Variants in KCNJ6 observed in about 807,000 individuals in gnomAD.
KCNJ6 encodes the protein potassium inwardly rectifying channel subfamily J member 6.
A neutral mutation model predicts 34.2 loss-of-function variants in KCNJ6; 9 were observed. The ratio of observed to expected loss-of-function variants is 0.26; its 90% CI spans 0.16 to 0.46. The LOEUF (loss-of-function observed/expected upper bound fraction) is 0.46, where lower values mean the gene tolerates loss of function less well. KCNJ6 is among the 20% of genes least tolerant of loss of function. The pLI is 1.00. For synonymous variants in KCNJ6, 196 were observed against 207.1 expected (o/e 0.95, Z 0.46); for missense variants, 236 against 531.3 (o/e 0.44, Z 5.46).
chr21:37,741,956 G>A (rs1351744394), intron 2 of KCNJ6, among the ~76,000 whole-genome samples: 1 of 152,198 alleles, frequency 6.6e-6, no homozygotes, highest in Non-Finnish European at 1.5e-5. Context: ...CTGTAGTAAG[G>A]GACCATCACG....
At chr21:37,700,142 T>A (rs1166190400) in intron 3 of KCNJ6, among the ~76,000 whole-genome samples, 1 of 151,450 alleles carries the variant, frequency 6.6e-6, no homozygotes. Context: ...AAGTGTAGTC[T>A]GTTGAGGACA....
At chr21:37,640,155 G>T (rs1285065700) in intron 3 of KCNJ6, among the ~76,000 whole-genome samples, 2 of 152,196 alleles carry the variant, frequency 1.3e-5, no homozygotes, top group African/African-American at 4.8e-5. Flanking sequence ...TTCAGAACAA[G>T]AAACTGAATA....
Position 37,612,450 on chromosome 21 carries a change from A to G in KCNJ6, c.*12709T>C, listed in dbSNP as rs2054245881. ...CAGCTTCCTCTGTAGATTAAATACA[A>G]TCCCAATAAAAATCTCAGCAAGTTA... On this transcript the variant is annotated 3_prime_UTR_variant, in exon 4 of 4. Coordinates refer to ENST00000609713, the MANE Select transcript of KCNJ6 (RefSeq NM_002240.5). 1 of 152,250 alleles carries G rather than the reference A, an allele frequency of 6.6e-6. No homozygotes were observed. The highest frequency in any genetic ancestry group is 1.5e-5 in the Non-Finnish European group (1 of 68,038). The allele number at this position is 152,250 out of a possible 1,614,324, so 9.4% of individuals were successfully genotyped here.
At chr21:37,868,751 A>G (rs73208124) in intron 1 of KCNJ6, among the ~76,000 whole-genome samples, 7,020 of 152,292 alleles carry the variant, frequency 0.046, 255 homozygotes, top group Non-Finnish European at 0.073. Context: ...CAATATTCTA[A>G]GCAGAATTAC....
chr21:37,704,659 C>T (rs1787422), intron 3 of KCNJ6, among the ~76,000 whole-genome samples: 7,071 of 148,612 alleles, frequency 0.048, 498 homozygotes, highest in African/African-American at 0.15. Flanking sequence ...TATGAGTCGT[C>T]GTCATCATCA....
At chr21:37,647,381 G>A (rs2835861) in intron 3 of KCNJ6, among the ~76,000 whole-genome samples, 24,464 of 152,024 alleles carry the variant, frequency 0.16, 3,315 homozygotes, top group African/African-American at 0.37. Context: ...TGTCAGAAAC[G>A]GCTTAGTTCT....
In KCNJ6 at chr21:37,655,264, AGAGAGAGAGAGAGAGAGAGAGT is replaced by A. The variant is rs1423190181; in HGVS notation, c.947-29802_947-29781del. 4.6e-3 allele frequency among the ~76,000 whole-genome samples: 614 copies of A among 134,736 alleles called. 6 individuals carry two copies. Among genetic ancestry groups the A allele is most frequent in the African/African-American group, 0.015 (463 of 30,114 alleles). 88.4% of individuals were successfully genotyped at this position (134,736 alleles called of 152,430 possible). A position where few individuals can be genotyped will look rare whatever the true frequency, so the allele number is the denominator to read the frequency against. On this transcript the variant is annotated intron_variant, in intron 3 of 3. Transcript: ENST00000609713. ...GAGAGAGAGAGAGAGAGAGAGAGAGAGAGAGAGAGAGAGAGAGAGAGTGTAACCATGAAGAGGTAATTGATAC... is the reference window on the plus strand; with the variant it reads ...GAGAGAGAGAGAGAGAGAGAGAGAGAGTAACCATGAAGAGGTAATTGATAC...
rs1909720015 is a variant in KCNJ6 at position 37,611,477 on chromosome 21, C to T, written c.*13682G>A. On this transcript the variant is annotated 3_prime_UTR_variant, in exon 4 of 4. Coordinates refer to ENST00000609713, the MANE Select transcript of KCNJ6 (RefSeq NM_002240.5). ...TCAAAAGCTAGAAGCAGAGAGAACA[C>T]TTGCTAACTCATTCTATGAATCCAG... 6.6e-6 allele frequency: 1 copy of T among 152,210 alleles called. No individual in the cohort carries two copies. The highest frequency in any genetic ancestry group is 1.5e-5 in the Non-Finnish European group (1 of 68,026). The allele number at this position is 152,210 out of a possible 1,614,324, so 9.4% of individuals were successfully genotyped here. A position where few individuals can be genotyped will look rare whatever the true frequency, so the allele number is the denominator to read the frequency against.
chr21:37,893,256 G>A (rs560150892), intron 1 of KCNJ6, among the ~76,000 whole-genome samples: 1 of 151,942 alleles, frequency 6.6e-6, no homozygotes, highest in South Asian at 2.1e-4. Context: ...CTCCCAGGCT[G>A]GAGTACAGTG....
chr21:37,868,665 G>A (rs181248943), intron 1 of KCNJ6, among the ~76,000 whole-genome samples: 1 of 152,258 alleles, frequency 6.6e-6, no homozygotes, highest in East Asian at 1.9e-4. Flanking sequence ...AAAATCAGAG[G>A]ACTAACCTCA....
At chr21:37,701,754 G>A (rs1348170190) in intron 3 of KCNJ6, among the ~76,000 whole-genome samples, 1 of 152,140 alleles carries the variant, frequency 6.6e-6, no homozygotes, top group Non-Finnish European at 1.5e-5. Context: ...AGATCTCTGT[G>A]CTCAGGATTG....
intron 1 of KCNJ6, among the ~76,000 whole-genome samples, chr21:37,883,067 C>T (rs2055718041): frequency 6.6e-6 from 1 of 152,182 alleles, no homozygotes; most frequent in Admixed American, 6.5e-5. Context: ...TACGCCGGTG[C>T]AGGCCTTCAC....
chr21:37,773,193 G>T (rs553217982), intron 2 of KCNJ6, among the ~76,000 whole-genome samples: 1 of 152,272 alleles, frequency 6.6e-6, no homozygotes, highest in Non-Finnish European at 1.5e-5. Flanking sequence ...TAGATAGGTT[G>T]CCCACATGGG....
chr21:37,839,754 T>C (rs1568867536), intron 2 of KCNJ6, among the ~76,000 whole-genome samples: 1 of 152,246 alleles, frequency 6.6e-6, no homozygotes, highest in Non-Finnish European at 1.5e-5. Flanking sequence ...GAAAACTGCA[T>C]TTCTCATTTG....
chr21:37,731,688 G>C (rs1372227207), intron 2 of KCNJ6, among the ~76,000 whole-genome samples: 1 of 152,168 alleles, frequency 6.6e-6, no homozygotes, highest in Non-Finnish European at 1.5e-5. Flanking sequence ...AACACCCAAG[G>C]GTGCTGAGCA....
rs1471243345 is a variant in KCNJ6, at chr21:37,794,201, T to G, written c.25+46457A>C. Among the ~76,000 whole-genome samples the G allele has an allele frequency of 3.3e-5, 5 of 152,240 alleles. No individual in the cohort carries two copies. The East Asian group carries it at 9.6e-4, about 29-fold the overall frequency. On this transcript the variant is annotated intron_variant, in intron 2 of 3. Coordinates refer to ENST00000609713, the MANE Select transcript of KCNJ6 (RefSeq NM_002240.5). ...TCTCTACTTCACTGTTTTAAAGTGCTGGTTAAATTCATTTCATTTCTCCAT... is the reference window on the plus strand; with the variant it reads ...TCTCTACTTCACTGTTTTAAAGTGCGGGTTAAATTCATTTCATTTCTCCAT...
At chr21:37,782,013 G>C (rs1051531500) in intron 2 of KCNJ6, among the ~76,000 whole-genome samples, 1 of 152,328 alleles carries the variant, frequency 6.6e-6, no homozygotes, top group Admixed American at 6.5e-5. Flanking sequence ...CAATAACCTT[G>C]AGAAGGGGAG....
Position 37,619,971 on chromosome 21 carries a change from A to G in KCNJ6, c.*5188T>C, listed in dbSNP as rs1479522435. The stretch of plus-strand genomic sequence containing the variant: ...ATGAAAAGGAAGGATTCTTCCTTTG[A>G]GACCCTAACTGAATGACTGGGCTCT... On this transcript the variant is annotated 3_prime_UTR_variant, in exon 4 of 4. Transcript: ENST00000609713. 2 of 152,186 alleles carry G rather than the reference A, an allele frequency of 1.3e-5. No individual in the cohort carries two copies. The highest frequency in any genetic ancestry group is 2.9e-5 in the Non-Finnish European group (2 of 68,036). The allele number at this position is 152,186 out of a possible 1,614,324, so 9.4% of individuals were successfully genotyped here. A position where few individuals can be genotyped will look rare whatever the true frequency, so the allele number is the denominator to read the frequency against.
At chr21:37,829,565 G>C (rs542407341) in intron 2 of KCNJ6, among the ~76,000 whole-genome samples, 108 of 152,318 alleles carry the variant, frequency 7.1e-4, no homozygotes, top group African/African-American at 2.5e-3. Context: ...GCAGAGGTGT[G>C]TGGAGCTTGT....
Sources: gnomAD v4.1 joint callset for allele counts (sites outside exome capture counted in the v4.1 genomes callset) on GRCh38, gnomAD v4.1.1 for gene constraint, MANE v1.5 for transcripts, NCBI Gene and HGNC (gene_info 2026-07-23, HGNC 2026-07-21) for gene names.